The following NPHP4 variants were observed in gnomAD, a reference collection of about 807,000 sequenced individuals.
NPHP4 encodes nephrocystin-4.
A neutral mutation model predicts 155.8 loss-of-function variants in NPHP4; 151 were observed. The observed-to-expected ratio is 0.97, with a 90% CI of 0.85 to 1.11. The LOEUF (loss-of-function observed/expected upper bound fraction) is 1.11. NPHP4 is among the 50% of genes least tolerant of loss of function. The pLI is 0.00. For missense variants in NPHP4, 1,956 were observed against 1,925.7 expected (o/e 1.02, Z -0.29); for synonymous variants, 845 against 816.8 (o/e 1.03, Z -0.59).
At chr1:5,929,858 T>C (rs1646188830) in intron 10 of NPHP4, among the ~76,000 whole-genome samples, 1 of 152,202 alleles carries the variant, frequency 6.6e-6, no homozygotes, top group East Asian at 1.9e-4. Context: ...TTCTGTTTTC[T>C]GAAATAGATT....
Position 5,933,283 on chromosome 1 carries a change from A to G in NPHP4, c.1166T>C (p.Val389Ala), listed in dbSNP as rs368324380. The change falls in exon 10 of 30, where the codon GTC (valine) becomes GCC (alanine). Residue 389 changes from valine (V) to alanine (A), a missense_variant. Coordinates refer to ENST00000378156, the MANE Select transcript of NPHP4 (RefSeq NM_015102.5). ...SLSNLACMHM[V>A]RWAVWNPLLE... is the part of the protein sequence containing the mutation. Reference sequence around the variant, plus strand: ...CAAGGGGTTCCAAACAGCCCAGCGGACCATGTGCATGCATGCCAGGTTGGA... The same window carrying G: ...CAAGGGGTTCCAAACAGCCCAGCGGGCCATGTGCATGCATGCCAGGTTGGA... The G allele has an allele frequency of 1.1e-4, 170 of 1,613,558 alleles. No homozygotes were observed. Among genetic ancestry groups the G allele is most frequent in the Non-Finnish European group, 1.4e-4 (161 of 1,179,874 alleles).
At chr1:5,943,895 G>A (rs983513667) in intron 9 of NPHP4, among the ~76,000 whole-genome samples, 3 of 152,078 alleles carry the variant, frequency 2.0e-5, no homozygotes, top group South Asian at 2.1e-4. Flanking sequence ...TCTAGGATGC[G>A]GTCTCCAATA....
At position 5,877,742 on chromosome 1, in the gene NPHP4, G is replaced by T. The variant is rs376505792; in HGVS notation, c.2612-444C>A. On this transcript the variant is annotated intron_variant, in intron 19 of 29. Coordinates refer to ENST00000378156, the MANE Select transcript of NPHP4 (RefSeq NM_015102.5). Reference sequence around the variant, plus strand: ...GGCCTTCAGTGAGTGGGGGGCAGGCGATGAAGCTCAGAGCAGGCCTGGCCC... The same window carrying T: ...GGCCTTCAGTGAGTGGGGGGCAGGCTATGAAGCTCAGAGCAGGCCTGGCCC... 1.2e-4 allele frequency among the ~76,000 whole-genome samples: 19 copies of T among 152,278 alleles called. 2 individuals are homozygous for T. The South Asian group carries it at 3.3e-3, about 27-fold the overall frequency.
At position 5,905,301 on chromosome 1, in the gene NPHP4, G is replaced by A. The variant is rs894909432; in HGVS notation, c.1946C>T (p.Ala649Val). The change falls in exon 15 of 30, where the codon GCC (alanine) becomes GTC (valine). Residue 649 changes from alanine (A) to valine (V), a missense_variant. Ala to Val is a moderately conservative substitution (Grantham distance 64, BLOSUM62 0). Coordinates refer to ENST00000378156, the MANE Select transcript of NPHP4 (RefSeq NM_015102.5). The surrounding 1 kb of genome is among the most constrained non-coding windows in gnomAD (Gnocchi z 4.0). Reference protein sequence around the residue: ...QSNEMVLQFLAFSRVAQDCRG... With the variant: ...QSNEMVLQFLVFSRVAQDCRG... ...ATATTCAAGGATTTACCTGCTAAAG[G>A]CAAGAAACTGTAGCACCATCTCGTT... is the stretch of plus-strand genomic sequence containing the variant. 6.8e-6 allele frequency: 11 copies of A among 1,611,746 alleles called. No individual in the cohort carries two copies. Among genetic ancestry groups the A allele is most frequent in the African/African-American group, 1.3e-5 (1 of 74,898 alleles).
rs2100938464 is a variant in NPHP4 at position 5,892,032 on chromosome 1, C to CA, written c.2144-1005dup. On this transcript the variant is annotated intron_variant, in intron 16 of 29. Coordinates refer to ENST00000378156, the MANE Select transcript of NPHP4 (RefSeq NM_015102.5). The surrounding 1 kb of genome is among the most constrained non-coding windows in gnomAD (Gnocchi z 4.5). ...CCCGGCGCTGGCCACAGCAGGAGCT[C>CA]ACGGGGGCATCTTGGGGCAGAAAGG... Among the ~76,000 whole-genome samples, 1 of 152,348 alleles carries CA rather than the reference C, an allele frequency of 6.6e-6. No individual in the cohort carries two copies. Among genetic ancestry groups the CA allele is most frequent in the East Asian group, 1.9e-4 (1 of 5,178 alleles).
intron 11 of NPHP4, among the ~76,000 whole-genome samples, chr1:5,916,012 A>T (rs1057491634): frequency 6.6e-6 from 1 of 152,178 alleles, no homozygotes; most frequent in African/African-American, 2.4e-5. Flanking sequence ...GTGTCCTGGG[A>T]AACACCACAA....
rs150938149 is a variant in NPHP4 at position 5,906,824 on chromosome 1, G to A, written c.1611+291C>T. ...AGCCACACCTTCCTTTTACTTTCAC[G>A]TAGAGACCTAGGGGTAGCTTAACTT... On this transcript the variant is annotated intron_variant, in intron 13 of 29. Transcript: ENST00000378156. 1.1e-4 allele frequency among the ~76,000 whole-genome samples: 17 copies of A among 152,318 alleles called. No individual in the cohort carries two copies. In the South Asian group the frequency reaches 1.9e-3, roughly 17 times the overall value.
chr1:5,952,256 G>T (rs995592148), intron 7 of NPHP4, among the ~76,000 whole-genome samples: 1 of 152,216 alleles, frequency 6.6e-6, no homozygotes, highest in African/African-American at 2.4e-5. Flanking sequence ...CCATGTCCCC[G>T]CCGACGTCCT....
intron 6 of NPHP4, among the ~76,000 whole-genome samples, chr1:5,953,914 C>T (rs1359402858): frequency 6.6e-6 from 1 of 152,138 alleles, no homozygotes; most frequent in Non-Finnish European, 1.5e-5. Flanking sequence ...TTTTAATGAT[C>T]TTTTACTTAT....
At chr1:5,903,111 C>T (rs1181372435) in intron 16 of NPHP4, among the ~76,000 whole-genome samples, 2 of 152,064 alleles carry the variant, frequency 1.3e-5, no homozygotes, top group East Asian at 1.9e-4. Context: ...CTCAGATCAC[C>T]TTTTTAAACT....
chr1:5,959,479 G>A (rs1325770164), intron 6 of NPHP4, among the ~76,000 whole-genome samples: 3 of 152,184 alleles, frequency 2.0e-5, no homozygotes, highest in Admixed American at 1.3e-4. Flanking sequence ...CTGTCCTCTT[G>A]GGGCACCACG....
Position 5,866,318 on chromosome 1 carries a change from T to C in NPHP4, c.3644+55A>G, listed in dbSNP as rs1486298071. 16 of 1,180,372 alleles carry C rather than the reference T, an allele frequency of 1.4e-5. No homozygotes were observed. The Admixed American group carries it at 1.7e-4, about 13-fold the overall frequency. The allele number at this position is 1,180,372 out of a possible 1,614,324, so 73.1% of individuals were successfully genotyped here. On this transcript the variant is annotated intron_variant, in intron 26 of 29. Coordinates refer to ENST00000378156, the MANE Select transcript of NPHP4 (RefSeq NM_015102.5). ...TTCAATCCACCAGCAGCCCCAGGCC[T>C]GCCTCCTCCTCTCCTCCGCCACCGC...
chr1:5,900,657 C>T (rs1192112695), intron 16 of NPHP4, among the ~76,000 whole-genome samples: 1 of 152,124 alleles, frequency 6.6e-6, no homozygotes, highest in Non-Finnish European at 1.5e-5. Context: ...AAATCACAGA[C>T]TGTATAATGC....
intron 6 of NPHP4, 148 bp from the exon 7 acceptor site, chr1:5,952,984 C>A: frequency 1.6e-6 from 1 of 637,792 alleles, no homozygotes; most frequent in Non-Finnish European, 2.6e-6. Context: ...AAGGCCCAAG[C>A]CAAGCCTCCA....
chr1:5,961,914 G>A lies in NPHP4; in HGVS notation c.553C>T (p.Leu185=). ...RHMTLIENCS[L]QYTLKPHPAL... ...GGGTGTGGCTTCAGCGTGTACTGCA[G>A]GCTGCAGTTCTCAATGAGGGTCATG... The change falls in exon 6 of 30, where the codon CTG becomes TTG. Residue 185 remains leucine, a synonymous_variant. Transcript: ENST00000378156. 1.2e-6 allele frequency: 2 copies of A among 1,611,304 alleles called. No homozygotes were observed. The highest frequency in any genetic ancestry group is 1.1e-5 in the South Asian group (1 of 91,026).
At chr1:5,886,299 C>G (rs1167980354) in intron 18 of NPHP4, among the ~76,000 whole-genome samples, 1 of 152,220 alleles carries the variant, frequency 6.6e-6, no homozygotes, top group Non-Finnish European at 1.5e-5. Context: ...AACAGGCAGG[C>G]AGAGCCTCCA....
rs71568632 is a variant in NPHP4 at position 5,942,530 on chromosome 1, C to CAAA, written c.1119+4571_1119+4573dup. Among the ~76,000 whole-genome samples the CAAA allele has an allele frequency of 4.4e-3, 87 of 19,650 alleles. 1 individual carries two copies. Among genetic ancestry groups the CAAA allele is most frequent in the Non-Finnish European group, 7.1e-3 (68 of 9,568 alleles). The allele number at this position is 19,650 out of a possible 152,430, so 12.9% of individuals were successfully genotyped here. On this transcript the variant is annotated intron_variant, in intron 9 of 29. Transcript: ENST00000378156. ...TGGGCAACAGAGCGAGACTCCATCT[C>CAAA]AAAAAAAAAAAAAAAAAAAAAGGAG...
intron 9 of NPHP4, among the ~76,000 whole-genome samples, chr1:5,941,138 A>G (rs1042749086): frequency 6.6e-6 from 1 of 152,174 alleles, no homozygotes; most frequent in African/African-American, 2.4e-5. Context: ...AAACAGATGC[A>G]CTATCCATAA....
At chr1:5,894,683 G>C in intron 16 of NPHP4, among the ~76,000 whole-genome samples, 1 of 151,132 alleles carries the variant, frequency 6.6e-6, no homozygotes, top group African/African-American at 2.4e-5. Context: ...GAATTAAGCA[G>C]CTCAAAAAAA....
Sources: gnomAD v4.1 joint callset for allele counts (sites outside exome capture counted in the v4.1 genomes callset) on GRCh38, gnomAD v4.1.1 for gene constraint, Gnocchi (gnomAD v3.1) non-coding constraint, MANE v1.5 for transcripts, NCBI Gene and HGNC (gene_info 2026-07-23, HGNC 2026-07-21) for gene names.